CPNE8: variants seen among roughly 807,000 people sequenced by gnomAD.
CPNE8 encodes copine-8.
Under a neutral mutation model 81.5 loss-of-function variants are expected in CPNE8, and 45 were observed. That is an observed-to-expected ratio of 0.55 (90% CI 0.44 to 0.71). The LOEUF is 0.71. Ranked by LOEUF, CPNE8 falls within the 30% of genes least tolerant of loss-of-function variation. The pLI is 0.00. For synonymous variants in CPNE8, 252 were observed against 226.3 expected (o/e 1.11, Z -1.02); for missense variants, 594 against 672.1 (o/e 0.88, Z 1.28).
At chr12:38,881,693 T>A (rs1193498010) in intron 1 of CPNE8, among the ~76,000 whole-genome samples, 1 of 152,210 alleles carries the variant, frequency 6.6e-6, no homozygotes, top group Non-Finnish European at 1.5e-5. Context: ...TCAACCGTGA[T>A]TGATATCCTT....
At chr12:38,781,007 T>C (rs1942041819) in intron 6 of CPNE8, among the ~76,000 whole-genome samples, 1 of 152,020 alleles carries the variant, frequency 6.6e-6, no homozygotes, top group African/African-American at 2.4e-5. Context: ...ATGAATATGA[T>C]AGCATTAATC....
chr12:38,906,086 C>G (rs112168825), upstream of CPNE8: 5 of 986,494 alleles, frequency 5.1e-6, no homozygotes, highest in East Asian at 5.6e-4. Flanking sequence ...GGGGGCACCT[C>G]TGCCCGTTCC....
At chr12:38,782,828 G>A (rs1942084427) in intron 6 of CPNE8, among the ~76,000 whole-genome samples, 2 of 151,790 alleles carry the variant, frequency 1.3e-5, no homozygotes, top group Non-Finnish European at 2.9e-5. Context: ...ATACACATAT[G>A]TGCCACCATG....
intron 1 of CPNE8, 31 bp from the exon 2 acceptor site, chr12:38,874,542 A>T (rs1335088583): frequency 2.8e-6 from 4 of 1,430,040 alleles, no homozygotes; most frequent in Admixed American, 3.6e-5. Flanking sequence ...TGTTAGCTGG[A>T]TATAAAAGCA....
intron 6 of CPNE8, among the ~76,000 whole-genome samples, chr12:38,806,653 A>G (rs1380982839): frequency 7.0e-6 from 1 of 143,090 alleles, no homozygotes; most frequent in Admixed American, 7.0e-5. Context: ...ATCATACTGA[A>G]TGGGCAAAAA....
chr12:38,735,426 T>A (rs1029333360), intron 10 of CPNE8, among the ~76,000 whole-genome samples: 2 of 129,826 alleles, frequency 1.5e-5, no homozygotes, highest in African/African-American at 5.7e-5. Flanking sequence ...ATTCCATGAT[T>A]ACAAGTAAAA....
chr12:38,871,744 T>G (rs1943995093), intron 3 of CPNE8, among the ~76,000 whole-genome samples: 1 of 152,186 alleles, frequency 6.6e-6, no homozygotes, highest in South Asian at 2.1e-4. Context: ...ATATTTTGGC[T>G]GGTAGTTTTA....
chr12:38,686,223 G>A (rs2136660623), intron 15 of CPNE8, among the ~76,000 whole-genome samples: 1 of 152,208 alleles, frequency 6.6e-6, no homozygotes, highest in Non-Finnish European at 1.5e-5. Context: ...AGGAGTCAGA[G>A]GGAATATAAT....
chr12:38,749,755 T>C (rs1342943146), intron 10 of CPNE8, among the ~76,000 whole-genome samples: 1 of 152,086 alleles, frequency 6.6e-6, no homozygotes, highest in Admixed American at 6.6e-5. Context: ...AAGAGGTGAT[T>C]AGGGTGCTGT....
chr12:38,670,101 A>C (rs974629707), intron 19 of CPNE8, among the ~76,000 whole-genome samples: 2 of 152,160 alleles, frequency 1.3e-5, no homozygotes, highest in African/African-American at 2.4e-5. Context: ...TAATTCTTAC[A>C]ATCACAAATT....
chr12:38,714,353 A>T (rs1195883326), intron 13 of CPNE8, among the ~76,000 whole-genome samples: 1 of 152,100 alleles, frequency 6.6e-6, no homozygotes, highest in Non-Finnish European at 1.5e-5. Flanking sequence ...ATTACTAAAT[A>T]ATCTCCAATT....
chr12:38,798,378 C>G lies in CPNE8; in HGVS notation c.408-22077G>C, dbSNP rs1036572206. Among the ~76,000 whole-genome samples, 551 of 152,242 alleles carry G rather than the reference C, an allele frequency of 3.6e-3. 3 individuals are homozygous for G. The highest frequency in any genetic ancestry group is 0.012 in the African/African-American group (519 of 41,540). ...CGCAGAAACTCTACAAGCCAGAAGACAGTGGGGGCCAATATTCAACTTTCT... is the reference window on the plus strand; with the variant it reads ...CGCAGAAACTCTACAAGCCAGAAGAGAGTGGGGGCCAATATTCAACTTTCT... On this transcript the variant is annotated intron_variant, in intron 6 of 19. Coordinates refer to ENST00000331366, the MANE Select transcript of CPNE8 (RefSeq NM_153634.3).
At chr12:38,691,495 C>G (rs559454148) in intron 15 of CPNE8, among the ~76,000 whole-genome samples, 1 of 152,188 alleles carries the variant, frequency 6.6e-6, no homozygotes, top group South Asian at 2.1e-4. Flanking sequence ...CTTTGTCTGT[C>G]TTATCCAAAA....
chr12:38,779,134 G>A (rs1941993932), intron 6 of CPNE8, among the ~76,000 whole-genome samples: 1 of 152,122 alleles, frequency 6.6e-6, no homozygotes, highest in Non-Finnish European at 1.5e-5. Flanking sequence ...CACCCTGACT[G>A]AGCATCAACC....
At chr12:38,806,297 C>T (rs1253887751) in intron 6 of CPNE8, among the ~76,000 whole-genome samples, 3 of 149,742 alleles carry the variant, frequency 2.0e-5, no homozygotes, top group Non-Finnish European at 4.5e-5. Context: ...AGAGACACAC[C>T]AAAAAAGATA....
At chr12:38,708,350 G>GA (rs919856143) in intron 13 of CPNE8, among the ~76,000 whole-genome samples, 19 of 140,932 alleles carry the variant, frequency 1.3e-4, no homozygotes, top group South Asian at 7.0e-4. Context: ...AATGTTAGAG[G>GA]AAAAAAAAAA....
chr12:38,724,401 G>A (rs1033048557), intron 12 of CPNE8, among the ~76,000 whole-genome samples: 3 of 152,050 alleles, frequency 2.0e-5, no homozygotes, highest in Non-Finnish European at 4.4e-5. Flanking sequence ...TTTGCCTTCT[G>A]TACTGATTTA....
chr12:38,682,146 G>A (rs921285590), intron 16 of CPNE8, among the ~76,000 whole-genome samples: 5 of 152,166 alleles, frequency 3.3e-5, no homozygotes, highest in African/African-American at 1.2e-4. Flanking sequence ...CTTGAACCTG[G>A]GAGGTGGAGT....
At chr12:38,840,525 A>G (rs1472092457) in intron 4 of CPNE8, among the ~76,000 whole-genome samples, 1 of 152,152 alleles carries the variant, frequency 6.6e-6, no homozygotes, top group Non-Finnish European at 1.5e-5. Context: ...ACGTGAATGA[A>G]TCTATGTTTA....
Sources: gnomAD v4.1 joint callset for allele counts (sites outside exome capture counted in the v4.1 genomes callset) on GRCh38, gnomAD v4.1.1 for gene constraint, MANE v1.5 for transcripts, NCBI Gene and HGNC (gene_info 2026-07-23, HGNC 2026-07-21) for gene names.